ITGA9: variants seen among roughly 807,000 people sequenced by gnomAD.
The protein encoded by ITGA9 is integrin alpha-9.
Under a neutral mutation model 127.8 loss-of-function variants are expected in ITGA9, and 56 were observed. The observed-to-expected ratio is 0.44, with a 90% CI of 0.35 to 0.55. The LOEUF is 0.55. Ranked by LOEUF, ITGA9 falls within the 20% of genes least tolerant of loss-of-function variation. The probability of loss-of-function intolerance (pLI) is 0.00; values close to 1 mark genes in which losing one functional copy is unlikely to be tolerated. For synonymous variants in ITGA9, 508 were observed against 514.5 expected, an observed-to-expected ratio of 0.99 and a Z score of 0.17; for missense variants, 1,196 against 1,347.1, an observed-to-expected ratio of 0.89 and a Z score of 1.76.
intron 12 of ITGA9, 67 bp downstream of exon 12, chr3:37,523,678 C>T: frequency 8.7e-7 from 1 of 1,154,038 alleles, no homozygotes; most frequent in East Asian, 2.3e-5. Flanking sequence ...GAATAATTTT[C>T]AGTCTGGTTA....
chr3:37,554,899 T>C (rs536449390), intron 15 of ITGA9, among the ~76,000 whole-genome samples: 178 of 152,240 alleles, frequency 1.2e-3, no homozygotes, highest in African/African-American at 4.2e-3. Flanking sequence ...TGTGTATGCG[T>C]ATGTATGAGT....
chr3:37,570,071 G>T (rs973158149), intron 15 of ITGA9, among the ~76,000 whole-genome samples: 2 of 152,250 alleles, frequency 1.3e-5, no homozygotes, highest in Non-Finnish European at 2.9e-5. Flanking sequence ...GAAATGCGTA[G>T]GGTTGGTCAG....
intron 23 of ITGA9, among the ~76,000 whole-genome samples, chr3:37,774,755 T>C (rs1696886660): frequency 6.6e-6 from 1 of 151,916 alleles, no homozygotes; most frequent in Non-Finnish European, 1.5e-5. Flanking sequence ...AATTTCCAAA[T>C]TATTAGACAC....
intron 15 of ITGA9, among the ~76,000 whole-genome samples, chr3:37,615,807 G>T (rs1700068554): frequency 6.6e-6 from 1 of 152,166 alleles, no homozygotes; most frequent in Non-Finnish European, 1.5e-5. Context: ...GGGATCGGTG[G>T]TGATATCCCC....
At chr3:37,581,082 AT>A (rs1200417573) in intron 15 of ITGA9, among the ~76,000 whole-genome samples, 10 of 152,260 alleles carry the variant, frequency 6.6e-5, no homozygotes, top group African/African-American at 2.4e-4. Flanking sequence ...AGAAGTTTGG[AT>A]TTTATTTACA....
chr3:37,513,687 G>T (rs1698956392), intron 8 of ITGA9, 76 bp from the exon 9 acceptor site: 1 of 1,563,414 alleles, frequency 6.4e-7, no homozygotes, highest in Non-Finnish European at 8.8e-7. Context: ...TAAAGCCAAT[G>T]GGGTGGAGGA....
rs896665335 is a variant in ITGA9 at position 37,734,684 on chromosome 3, G to T, written c.2154+1886G>T. Among the ~76,000 whole-genome samples the T allele has an allele frequency of 5.3e-5, 8 of 152,230 alleles. No homozygotes were observed. In the East Asian group the frequency reaches 7.7e-4, roughly 15 times the overall value. On this transcript the variant is annotated intron_variant, in intron 19 of 27. Coordinates refer to ENST00000264741, the MANE Select transcript of ITGA9 (RefSeq NM_002207.3). ...TTTTGTGTGTTTTTAGTAGAGACAGGTTTCACTGTGTTGGCCAGGCTGGTC... is the reference window on the plus strand; with the variant it reads ...TTTTGTGTGTTTTTAGTAGAGACAGTTTTCACTGTGTTGGCCAGGCTGGTC...
At position 37,593,507 on chromosome 3, in the gene ITGA9, T is replaced by C. The variant is rs1699840233; in HGVS notation, c.1690-35680T>C. Among the ~76,000 whole-genome samples the C allele has an allele frequency of 2.0e-5, 3 of 152,172 alleles. No individual in the cohort carries two copies. The South Asian group carries it at 6.2e-4, about 32-fold the overall frequency. ...AGCATAGTTGGTGTGTGGTGTGGGC[T>C]CTCTTCCTGGCTTAGAGACGGCCAC... On this transcript the variant is annotated intron_variant, in intron 15 of 27. Transcript: ENST00000264741.
At position 37,785,009 on chromosome 3, in the gene ITGA9, C is replaced by T. The variant is rs147528488; in HGVS notation, c.2820C>T (p.Arg940=). ...DSSSVIQFMS[R]AKVKVDPALR... is the part of the protein sequence containing the mutation. ...CGTCTGTCATCCAGTTCATGTCCCG[C>T]GCCAAGGTGAAGGTGGATCCTGCCC... The change falls in exon 26 of 28, where the codon CGC becomes CGT. Residue 940 remains arginine, a synonymous_variant. Coordinates refer to ENST00000264741, the MANE Select transcript of ITGA9 (RefSeq NM_002207.3). The T allele has an allele frequency of 5.0e-5, 80 of 1,614,092 alleles. 1 individual carries two copies. The South Asian group carries it at 6.5e-4, about 13-fold the overall frequency.
At chr3:37,502,941 C>T (rs1698802631) in intron 5 of ITGA9, among the ~76,000 whole-genome samples, 2 of 152,286 alleles carry the variant, frequency 1.3e-5, no homozygotes, top group South Asian at 2.1e-4. Flanking sequence ...CCTGGCCTGT[C>T]GTGAATTCTG....
chr3:37,566,011 A>G (rs894259523), intron 15 of ITGA9, among the ~76,000 whole-genome samples: 1 of 152,246 alleles, frequency 6.6e-6, no homozygotes, highest in Admixed American at 6.5e-5. Context: ...CCATGAGCAC[A>G]TGCCTTGAGG....
At position 37,513,936 on chromosome 3, in the gene ITGA9, G is replaced by C. The variant is rs72867550; in HGVS notation, c.1035+36G>C. The C allele has an allele frequency of 5.9e-3, 9,516 of 1,611,710 alleles. 468 individuals are homozygous for C. The African/African-American group carries it at 0.11, about 18-fold the overall frequency. ...TACTGGGCAATGTGCGGATGGGTGT[G>C]GGGGAGGGACATTTGTCCAGCCAGC... is the stretch of plus-strand genomic sequence containing the variant. On this transcript the variant is annotated intron_variant, in intron 9 of 27. Transcript: ENST00000264741.
chr3:37,731,393 A>C (rs1449477263), intron 18 of ITGA9, among the ~76,000 whole-genome samples: 1 of 152,234 alleles, frequency 6.6e-6, no homozygotes, highest in Non-Finnish European at 1.5e-5. Context: ...CTCTGTGTGA[A>C]TAACACTGGC....
chr3:37,779,741 G>A (rs1030443933), intron 24 of ITGA9, among the ~76,000 whole-genome samples, 161 bp from the exon 25 acceptor site: 7 of 152,186 alleles, frequency 4.6e-5, no homozygotes, highest in African/African-American at 1.7e-4. Context: ...TCCCTTGAAT[G>A]CCCTCTGGTG....
chr3:37,625,358 A>G (rs1012745425), intron 15 of ITGA9, among the ~76,000 whole-genome samples: 1 of 152,192 alleles, frequency 6.6e-6, no homozygotes, highest in East Asian at 1.9e-4. Flanking sequence ...CCTGGCATAA[A>G]GTAAGCACCC....
intron 13 of ITGA9, among the ~76,000 whole-genome samples, chr3:37,529,319 A>ACT: frequency 6.6e-6 from 1 of 152,252 alleles, no homozygotes; most frequent in South Asian, 2.1e-4. Flanking sequence ...AGGCAGGGTT[A>ACT]CTTGGTCAGG....
intron 15 of ITGA9, among the ~76,000 whole-genome samples, chr3:37,576,382 G>T (rs1330833412): frequency 6.6e-6 from 1 of 152,196 alleles, no homozygotes; most frequent in Admixed American, 6.5e-5. Context: ...GAGAAAGCCA[G>T]GCTTTTGATT....
chr3:37,703,412 A>C (rs1700969999), intron 18 of ITGA9, among the ~76,000 whole-genome samples: 1 of 152,208 alleles, frequency 6.6e-6, no homozygotes, highest in Non-Finnish European at 1.5e-5. Context: ...ATTAACTATT[A>C]GTACTTAAAA....
chr3:37,614,350 C>A (rs1487163094), intron 15 of ITGA9, among the ~76,000 whole-genome samples: 1 of 151,978 alleles, frequency 6.6e-6, no homozygotes, highest in African/African-American at 2.4e-5. Context: ...CAGTACCATG[C>A]TGTTTTGGTT....
Sources: allele counts gnomAD v4.1 joint callset (sites outside exome capture counted in the v4.1 genomes callset), GRCh38; gene constraint gnomAD v4.1.1; transcripts MANE v1.5; gene names NCBI Gene and HGNC (gene_info 2026-07-23, HGNC 2026-07-21).